Variants in AGAP1 observed in about 807,000 individuals in gnomAD.
AGAP1 encodes the protein arf-GAP with GTPase, ANK repeat and PH domain-containing protein 1.
Under a neutral mutation model 105.3 loss-of-function variants are expected in AGAP1, and 29 were observed. That is an observed-to-expected ratio of 0.28 (90% CI 0.21 to 0.38). The LOEUF is 0.38. Ranked by LOEUF, AGAP1 falls within the 10% of genes least tolerant of loss-of-function variation. The pLI, the probability that AGAP1 is intolerant of heterozygous loss-of-function variation, is 1.00. For synonymous variants in AGAP1, 509 were observed against 485.9 expected (o/e 1.05, Z -0.63); for missense variants, 998 against 1,165.1 (o/e 0.86, Z 2.09).
intron 16 of AGAP1, among the ~76,000 whole-genome samples, chr2:236,071,636 G>A (rs1007942663): frequency 2.0e-5 from 3 of 152,242 alleles, no homozygotes; most frequent in East Asian, 1.9e-4. Flanking sequence ...CCTGATCTGC[G>A]GTGGACTGGC....
intron 16 of AGAP1, among the ~76,000 whole-genome samples, chr2:236,100,284 G>A (rs1312799531): frequency 6.6e-6 from 1 of 152,124 alleles, no homozygotes; most frequent in East Asian, 1.9e-4. Flanking sequence ...CTGTGTCGAT[G>A]GTAGAAAATA....
intron 1 of AGAP1, among the ~76,000 whole-genome samples, chr2:235,585,568 G>A (rs1945081207): frequency 6.6e-6 from 1 of 152,174 alleles, no homozygotes; most frequent in South Asian, 2.1e-4. Context: ...GTGTTCTGAG[G>A]CTTAGTATTT....
chr2:235,884,367 G>T (rs1379317273), intron 10 of AGAP1, among the ~76,000 whole-genome samples: 1 of 151,616 alleles, frequency 6.6e-6, no homozygotes, highest in African/African-American at 2.4e-5. Context: ...ATATGTAATA[G>T]AATGTAAATT....
intron 12 of AGAP1, among the ~76,000 whole-genome samples, chr2:235,938,971 G>A (rs1575829318): frequency 6.6e-6 from 1 of 152,176 alleles, no homozygotes; most frequent in East Asian, 1.9e-4. Context: ...CCAAGCAGTG[G>A]AATGTCCCCC....
chr2:235,998,840 G>A (rs939875313), intron 13 of AGAP1, among the ~76,000 whole-genome samples: 31 of 151,362 alleles, frequency 2.0e-4, no homozygotes, highest in African/African-American at 7.5e-4. Context: ...GATGGTGGTG[G>A]TTGTGAGTGT....
At position 236,050,835 on chromosome 2, in the gene AGAP1, T is replaced by C. The variant is rs1218195727; in HGVS notation, c.2114+1554T>C. Among the ~76,000 whole-genome samples the C allele has an allele frequency of 6.6e-6, 1 of 152,238 alleles. No homozygotes were observed. The highest frequency in any genetic ancestry group is 1.5e-5 in the Non-Finnish European group (1 of 68,046). The stretch of plus-strand genomic sequence containing the variant: ...AAAATTTAGAAACCATTTGGAATTA[T>C]TCGAAGCAAAGATACGGGTTCATGT... On this transcript the variant is annotated intron_variant, in intron 16 of 17. Transcript: ENST00000304032. This position sits in a 1 kb window ranked among gnomAD's most constrained non-coding sequence, Gnocchi z 4.0.
intron 1 of AGAP1, among the ~76,000 whole-genome samples, chr2:235,638,855 C>T (rs1187953825): frequency 6.6e-6 from 1 of 152,144 alleles, no homozygotes; most frequent in East Asian, 1.9e-4. Flanking sequence ...ACATTTTGTG[C>T]CGGATAATTA....
At chr2:235,840,619 C>T (rs531315819) in intron 9 of AGAP1, among the ~76,000 whole-genome samples, 4 of 152,106 alleles carry the variant, frequency 2.6e-5, no homozygotes, top group Admixed American at 1.3e-4. Context: ...GTCGGTAGAG[C>T]AGCATTCCCA....
intron 9 of AGAP1, among the ~76,000 whole-genome samples, chr2:235,849,890 C>T (rs1363138727): frequency 6.6e-6 from 1 of 152,224 alleles, no homozygotes; most frequent in Non-Finnish European, 1.5e-5. Flanking sequence ...GCCACTCACA[C>T]CCTGACATGC....
chr2:235,667,987 CTTCT>C (rs5839606), intron 1 of AGAP1, among the ~76,000 whole-genome samples: 15,095 of 127,940 alleles, frequency 0.12, 972 homozygotes, highest in South Asian at 0.2. Context: ...AAAAAAAAGT[CTTCT>C]TTATTGAAAC....
In AGAP1 at chr2:235,867,488, C is replaced by T. The variant is rs1368302646; in HGVS notation, c.1051-15857C>T. On this transcript the variant is annotated intron_variant, in intron 9 of 17. Transcript: ENST00000304032. This position sits in a 1 kb window ranked among gnomAD's most constrained non-coding sequence, Gnocchi z 5.4. ...ACAGGCTGTGAGAGTTCCTGTTAGGCGGGAAGGCTCTGGCCCCTCGGGATC... is the reference window on the plus strand; with the variant it reads ...ACAGGCTGTGAGAGTTCCTGTTAGGTGGGAAGGCTCTGGCCCCTCGGGATC... Among the ~76,000 whole-genome samples the T allele has an allele frequency of 1.3e-5, 2 of 151,410 alleles. No individual in the cohort carries two copies. The highest frequency in any genetic ancestry group is 6.6e-5 in the Admixed American group (1 of 15,224).
intron 15 of AGAP1, among the ~76,000 whole-genome samples, chr2:236,048,684 G>A (rs1386279409): frequency 6.6e-6 from 1 of 152,208 alleles, no homozygotes; most frequent in Non-Finnish European, 1.5e-5. Context: ...TTCCCTCTCA[G>A]CAGCAGCTGT....
chr2:235,926,807 G>A (rs1230773502), intron 11 of AGAP1, among the ~76,000 whole-genome samples: 1 of 152,184 alleles, frequency 6.6e-6, no homozygotes, highest in Non-Finnish European at 1.5e-5. Flanking sequence ...GGAGGCAGGT[G>A]TGAGCCTGGG....
At position 235,874,395 on chromosome 2, in the gene AGAP1, A is replaced by G. The variant is rs1252994588; in HGVS notation, c.1051-8950A>G. Among the ~76,000 whole-genome samples, 1 of 152,180 alleles carries G rather than the reference A, an allele frequency of 6.6e-6. No individual in the cohort carries two copies. Among genetic ancestry groups the G allele is most frequent in the East Asian group, 1.9e-4 (1 of 5,190 alleles). On this transcript the variant is annotated intron_variant, in intron 9 of 17. Transcript: ENST00000304032. This position sits in a 1 kb window ranked among gnomAD's most constrained non-coding sequence, Gnocchi z 4.5. ...AGCTCCCGAGGGTACCTGGTGATGT[A>G]GAAGGAAGTTGGCTTAACTGGGGGC... is the stretch of plus-strand genomic sequence containing the variant.
intron 16 of AGAP1, among the ~76,000 whole-genome samples, chr2:236,057,013 A>G (rs1001425020): frequency 2.0e-5 from 3 of 152,244 alleles, no homozygotes; most frequent in Non-Finnish European, 4.4e-5. Flanking sequence ...TAGTGCAAAC[A>G]TATTATGTAA....
At chr2:235,897,156 C>T (rs544102801) in intron 10 of AGAP1, among the ~76,000 whole-genome samples, 3 of 152,222 alleles carry the variant, frequency 2.0e-5, no homozygotes, top group African/African-American at 4.8e-5. Context: ...GATCTCAGCT[C>T]GCTGCAACCT....
chr2:236,074,960 G>A (rs759121523), intron 16 of AGAP1, among the ~76,000 whole-genome samples: 2 of 152,194 alleles, frequency 1.3e-5, no homozygotes, highest in Non-Finnish European at 2.9e-5. Flanking sequence ...GGCTGAGGTG[G>A]AAGGGTGGTT....
rs1946684731 is a variant in AGAP1, at chr2:235,627,594, C to T, written c.164-81585C>T. Among the ~76,000 whole-genome samples the T allele has an allele frequency of 2.6e-5, 4 of 152,126 alleles. No homozygotes were observed. The South Asian group carries it at 8.3e-4, about 32-fold the overall frequency. On this transcript the variant is annotated intron_variant, in intron 1 of 17. Coordinates refer to ENST00000304032, the MANE Select transcript of AGAP1 (RefSeq NM_001037131.3). ...CGTCTGATCGTCTTGGTACCAAGTCCACTGCCCGTGGGGCTTATTTTGTGG... is the reference window on the plus strand; with the variant it reads ...CGTCTGATCGTCTTGGTACCAAGTCTACTGCCCGTGGGGCTTATTTTGTGG...
intron 16 of AGAP1, among the ~76,000 whole-genome samples, chr2:236,116,884 A>T (rs2059784688): frequency 6.6e-6 from 1 of 152,182 alleles, no homozygotes; most frequent in African/African-American, 2.4e-5. Flanking sequence ...TTTCCTTAGA[A>T]TAATAGTCTC....
Sources: gnomAD v4.1 joint callset for allele counts (sites outside exome capture counted in the v4.1 genomes callset) on GRCh38, gnomAD v4.1.1 for gene constraint, Gnocchi (gnomAD v3.1) non-coding constraint, MANE v1.5 for transcripts, NCBI Gene and HGNC (gene_info 2026-07-23, HGNC 2026-07-21) for gene names.